SWAP70: variants seen among roughly 807,000 people sequenced by gnomAD.
The protein encoded by SWAP70 is switching B cell complex subunit SWAP70.
In SWAP70, 34 loss-of-function variants were observed where a neutral mutation model predicts 80.2. The ratio of observed to expected loss-of-function variants is 0.42; its 90% CI spans 0.32 to 0.56. The LOEUF (loss-of-function observed/expected upper bound fraction) is 0.56. SWAP70 is among the 20% of genes least tolerant of loss of function. SWAP70 has a pLI of 0.09. For synonymous variants in SWAP70, 239 were observed against 238.5 expected, an observed-to-expected ratio of 1.00 and a Z score of -0.02; for missense variants, 578 against 690.7, an observed-to-expected ratio of 0.84 and a Z score of 1.83.
At chr11:9,694,056 C>A (rs1051994568) in intron 1 of SWAP70, 90 bp from the exon 2 acceptor site, 1 of 1,422,654 alleles carries the variant, frequency 7.0e-7, no homozygotes, top group Admixed American at 2.5e-5. Flanking sequence ...CTTTCTCTAC[C>A]CAGGAGAGGG....
At chr11:9,720,082 A>T (rs1336770395) in intron 3 of SWAP70, 1 of 985,410 alleles carries the variant, frequency 1.0e-6, no homozygotes, top group Non-Finnish European at 1.2e-6. Flanking sequence ...GATGCAGGCC[A>T]CTAGAGACTA....
Position 9,713,591 on chromosome 11 carries a change from C to G in SWAP70, c.366C>G (p.Phe122Leu). 1.2e-6 allele frequency: 2 copies of G among 1,613,842 alleles called. No homozygotes were observed. Among genetic ancestry groups the G allele is most frequent in the Non-Finnish European group, 1.7e-6 (2 of 1,179,924 alleles). ...ATGCATTTAAAATATGGGTTATTTT[C>G]AACTTTTTATCTGAGGACAAGTATC... The part of the protein sequence containing the change: ...EEDAFKIWVI[F>L]NFLSEDKYPL... Residue 122 changes from phenylalanine to leucine, a missense_variant, in exon 3 of 12, where the codon TTC becomes TTG. Coordinates refer to ENST00000318950, the MANE Select transcript of SWAP70 (RefSeq NM_015055.4).
rs765771750 is a variant in SWAP70, at chr11:9,747,908, T to C, written c.1406T>C (p.Leu469Ser). ...AGGGCTGAACTAGAAAAGTGGCACT[T>C]GGAGCAGCAGCAGGCCATTCAGACA... is the stretch of plus-strand genomic sequence containing the variant. The part of the protein sequence containing the change: ...SKRAELEKWH[L>S]EQQQAIQTTE... The change falls in exon 10 of 12, where the codon TTG (leucine) becomes TCG (serine). Residue 469 changes from leucine to serine, a missense_variant. Coordinates refer to ENST00000318950, the MANE Select transcript of SWAP70 (RefSeq NM_015055.4). 1.2e-6 allele frequency: 2 copies of C among 1,614,122 alleles called. No homozygotes were observed. Among genetic ancestry groups the C allele is most frequent in the Non-Finnish European group, 8.5e-7 (1 of 1,180,028 alleles).
intron 4 of SWAP70, among the ~76,000 whole-genome samples, chr11:9,725,560 TATATATATA>T (rs1310678297): frequency 0.06 from 999 of 16,530 alleles, 23 homozygotes; most frequent in East Asian, 0.16. Flanking sequence ...TATATATATA[TATATATATA>T]TTTTTTTTTT....
chr11:9,696,469 A>G (rs561467044), intron 2 of SWAP70, among the ~76,000 whole-genome samples: 10 of 152,280 alleles, frequency 6.6e-5, no homozygotes, highest in African/African-American at 2.4e-4. Flanking sequence ...ATATCTTTGT[A>G]GACTTTCAAA....
At chr11:9,694,078 G>T in intron 1 of SWAP70, 68 bp from the exon 2 acceptor site, 2 of 1,487,030 alleles carry the variant, frequency 1.3e-6, no homozygotes, top group Non-Finnish European at 1.8e-6. Context: ...GCAGCATGTT[G>T]TACTCATGGT....
chr11:9,731,602 C>T (rs894341073), intron 6 of SWAP70, among the ~76,000 whole-genome samples: 3 of 152,090 alleles, frequency 2.0e-5, no homozygotes, highest in Admixed American at 1.3e-4. Flanking sequence ...TTTGGTGTGC[C>T]ATGCAGTACT....
At chr11:9,667,767 C>T (rs376357090) in intron 1 of SWAP70, among the ~76,000 whole-genome samples, 1 of 152,234 alleles carries the variant, frequency 6.6e-6, no homozygotes, top group East Asian at 1.9e-4. Flanking sequence ...TTGCCATTTG[C>T]CCAGGCTGGT....
intron 1 of SWAP70, among the ~76,000 whole-genome samples, chr11:9,672,228 T>TATATATATGA (rs1554982640): frequency 1.1e-4 from 15 of 133,734 alleles, no homozygotes; most frequent in Admixed American, 4.1e-4. Flanking sequence ...TATATATATA[T>TATATATATGA]GATTGTAAAG....
At chr11:9,735,175 T>TA (rs1851347691) in intron 7 of SWAP70, among the ~76,000 whole-genome samples, 1 of 152,178 alleles carries the variant, frequency 6.6e-6, no homozygotes, top group African/African-American at 2.4e-5. Flanking sequence ...CTCCCCCACT[T>TA]ATGAATTTCC....
chr11:9,700,216 A>G (rs1230544207), intron 2 of SWAP70, among the ~76,000 whole-genome samples: 1 of 152,170 alleles, frequency 6.6e-6, no homozygotes, highest in African/African-American at 2.4e-5. Context: ...AAAATGAGCC[A>G]CTAAATTTGG....
At chr11:9,708,501 C>T (rs908847861) in intron 2 of SWAP70, among the ~76,000 whole-genome samples, 1 of 152,110 alleles carries the variant, frequency 6.6e-6, no homozygotes, top group Non-Finnish European at 1.5e-5. Context: ...ATTTGTTTTT[C>T]TGTTATTGAA....
Position 9,721,842 on chromosome 11 carries a change from G to T in SWAP70, c.415-2816G>T, listed in dbSNP as rs569819390. On this transcript the variant is annotated intron_variant, in intron 3 of 11. Transcript: ENST00000318950. ...TGCAAACATGCATGTCTATTTTTCT[G>T]TTAAAATATGTTATTTTACAAAAAA... 1.2e-4 allele frequency among the ~76,000 whole-genome samples: 18 copies of T among 151,918 alleles called. No individual in the cohort carries two copies. The Middle Eastern group carries it at 0.01, about 86-fold the overall frequency.
intron 8 of SWAP70, 43 bp from the exon 9 acceptor site, chr11:9,740,138 A>G (rs781777859): frequency 1.3e-6 from 2 of 1,589,946 alleles, no homozygotes; most frequent in South Asian, 1.1e-5. Context: ...TCCCTGAGAA[A>G]GAAGTCAACC....
At chr11:9,738,435 C>A in intron 8 of SWAP70, 115 bp downstream of exon 8, 1 of 613,828 alleles carries the variant, frequency 1.6e-6, no homozygotes, top group Non-Finnish European at 2.6e-6. Context: ...TTGCTACTGA[C>A]CTGGAATGGG....
rs1367237258 is a variant in SWAP70 at position 9,750,990 on chromosome 11, C to T, written c.*1020C>T. 1 of 152,208 alleles carries T rather than the reference C, an allele frequency of 6.6e-6. No homozygotes were observed. The highest frequency in any genetic ancestry group is 1.5e-5 in the Non-Finnish European group (1 of 68,056). 9.4% of individuals were successfully genotyped at this position (152,208 alleles called of 1,614,324 possible). On this transcript the variant is annotated 3_prime_UTR_variant, in exon 12 of 12. Coordinates refer to ENST00000318950, the MANE Select transcript of SWAP70 (RefSeq NM_015055.4). Reference sequence around the variant, plus strand: ...CCATATTGTCAACCTAATTTTCTCTCGTACTCTCTCTAGTGAATGATGTGC... The same window carrying T: ...CCATATTGTCAACCTAATTTTCTCTTGTACTCTCTCTAGTGAATGATGTGC...
rs117836045 is a variant in SWAP70, at chr11:9,732,823, A to G, written c.1080+113A>G. 6.9e-6 allele frequency: 7 copies of G among 1,020,838 alleles called. No homozygotes were observed. The East Asian group carries it at 1.6e-4, about 23-fold the overall frequency. 63.2% of individuals were successfully genotyped at this position (1,020,838 alleles called of 1,614,324 possible). On this transcript the variant is annotated intron_variant, in intron 7 of 11. Transcript: ENST00000318950. ...ATGAATGTAGTGCAGTTTTAGGGAGATACTTGTGGTGAACTGTTCTCAGAA... is the reference window on the plus strand; with the variant it reads ...ATGAATGTAGTGCAGTTTTAGGGAGGTACTTGTGGTGAACTGTTCTCAGAA...
At chr11:9,726,287 T>C (rs906486107) in intron 4 of SWAP70, among the ~76,000 whole-genome samples, 3 of 152,226 alleles carry the variant, frequency 2.0e-5, no homozygotes, top group African/African-American at 7.2e-5. Context: ...CAATTTATAT[T>C]TTTTTGGTGA....
rs1851606062 is a variant in SWAP70 at position 9,752,671 on chromosome 11, T to C, written c.*2701T>C. The stretch of plus-strand genomic sequence containing the variant: ...TACTGTACAGAAAATTTCAAGAGTG[T>C]TTGAGTGCTTGTCATCAGGTGTTTT... On this transcript the variant is annotated 3_prime_UTR_variant, in exon 12 of 12. Coordinates refer to ENST00000318950, the MANE Select transcript of SWAP70 (RefSeq NM_015055.4). The C allele has an allele frequency of 6.6e-6, 1 of 151,186 alleles. No individual in the cohort carries two copies. Among genetic ancestry groups the C allele is most frequent in the African/African-American group, 2.4e-5 (1 of 41,378 alleles). 9.4% of individuals were successfully genotyped at this position (151,186 alleles called of 1,614,324 possible).
Sources: gnomAD v4.1 joint callset for allele counts (sites outside exome capture counted in the v4.1 genomes callset) on GRCh38, gnomAD v4.1.1 for gene constraint, MANE v1.5 for transcripts, NCBI Gene and HGNC (gene_info 2026-07-23, HGNC 2026-07-21) for gene names.